Variants in GALNT13 observed in about 807,000 individuals in gnomAD.
GALNT13 encodes the protein UDP-GalNAc:polypeptide N-acetylgalactosaminyltransferase 13.
In GALNT13, 28 loss-of-function variants were observed where a neutral mutation model predicts 64.2. The ratio of observed to expected loss-of-function variants is 0.44; its 90% CI spans 0.32 to 0.60. The LOEUF (loss-of-function observed/expected upper bound fraction) is 0.60. GALNT13 is among the 20% of genes least tolerant of loss of function. GALNT13 has a pLI of 0.05. For synonymous variants in GALNT13, 214 were observed against 224.6 expected, an observed-to-expected ratio of 0.95 and a Z score of 0.42; for missense variants, 577 against 669.8, an observed-to-expected ratio of 0.86 and a Z score of 1.53.
intron 3 of GALNT13, among the ~76,000 whole-genome samples, chr2:153,954,567 A>G (rs529765648): frequency 1.8e-4 from 27 of 151,194 alleles, no homozygotes; most frequent in African/African-American, 6.5e-4. Context: ...TATAATCAAG[A>G]TCACAATTTA....
the GALNT13 span, among the ~76,000 whole-genome samples, chr2:153,410,051 AC>A: frequency 6.6e-6 from 1 of 152,212 alleles, no homozygotes; most frequent in African/African-American, 2.4e-5. Flanking sequence ...ATACTAGGAA[AC>A]AAAGTAGGGC....
chr2:153,650,806 T>C, the GALNT13 span, among the ~76,000 whole-genome samples: 34 of 152,276 alleles, frequency 2.2e-4, no homozygotes, highest in African/African-American at 8.2e-4. Flanking sequence ...TTTTTTTAAC[T>C]AAAGACTGTT....
intron 3 of GALNT13, among the ~76,000 whole-genome samples, chr2:154,066,154 G>C (rs1043778963): frequency 1.3e-5 from 2 of 152,222 alleles, no homozygotes; most frequent in Non-Finnish European, 1.5e-5. Context: ...TTGAAGGCAG[G>C]CTATTTGAAA....
the GALNT13 span, among the ~76,000 whole-genome samples, chr2:153,841,843 A>G: frequency 1.3e-5 from 2 of 152,166 alleles, no homozygotes; most frequent in Non-Finnish European, 2.9e-5. Context: ...TTGGGATCCA[A>G]AATTACAAGC....
chr2:154,212,056 A>G (rs2105802662), intron 4 of GALNT13, among the ~76,000 whole-genome samples: 1 of 152,280 alleles, frequency 6.6e-6, no homozygotes, highest in East Asian at 1.9e-4. Context: ...CTTTGGTGAT[A>G]CACTCTCCAA....
intron 9 of GALNT13, among the ~76,000 whole-genome samples, chr2:154,315,977 AC>A (rs1694297539): frequency 6.6e-6 from 1 of 152,168 alleles, no homozygotes; most frequent in Non-Finnish European, 1.5e-5. Flanking sequence ...AATCCCAGCT[AC>A]TCAGAAGGCT....
rs372541314 is a variant in GALNT13, at chr2:153,884,766, A to AATATATATATATATATATAT, written c.-177+12464_-177+12483dup. 1.3e-3 allele frequency among the ~76,000 whole-genome samples: 154 copies of AATATATATATATATATATAT among 116,312 alleles called. 2 individuals are homozygous for AATATATATATATATATATAT. The highest frequency in any genetic ancestry group is 4.9e-3 in the African/African-American group (134 of 27,598). 76.3% of individuals were successfully genotyped at this position (116,312 alleles called of 152,430 possible). On this transcript the variant is annotated intron_variant, in intron 1 of 12. Coordinates refer to ENST00000392825, the MANE Select transcript of GALNT13 (RefSeq NM_052917.4). ...AAACCCAGTCTGTACTAAAAATACG[A>AATATATATATATATATATAT]ATATATATATATATATATATGTGTG...
the GALNT13 span, among the ~76,000 whole-genome samples, chr2:153,768,083 G>T: frequency 6.6e-6 from 1 of 152,052 alleles, no homozygotes; most frequent in Non-Finnish European, 1.5e-5. Flanking sequence ...ATAGTTTCAG[G>T]TCTTACTTTT....
At chr2:153,095,007 G>A in the GALNT13 span, among the ~76,000 whole-genome samples, 2 of 152,140 alleles carry the variant, frequency 1.3e-5, no homozygotes, top group East Asian at 3.9e-4. Context: ...AACACCAAAA[G>A]CAATGGCAAC....
At chr2:153,353,266 T>C in the GALNT13 span, among the ~76,000 whole-genome samples, 2 of 152,244 alleles carry the variant, frequency 1.3e-5, no homozygotes, top group Non-Finnish European at 2.9e-5. Context: ...ATTACTGGCA[T>C]ATAGGAAAGT....
chr2:153,881,704 A>G (rs1336753065), intron 1 of GALNT13, among the ~76,000 whole-genome samples: 1 of 152,170 alleles, frequency 6.6e-6, no homozygotes, highest in Non-Finnish European at 1.5e-5. Context: ...AATATTTGCA[A>G]ATATCTCAAA....
chr2:153,394,777 G>A, the GALNT13 span, among the ~76,000 whole-genome samples: 1 of 152,054 alleles, frequency 6.6e-6, no homozygotes, highest in Non-Finnish European at 1.5e-5. Context: ...CTGTTGCTGT[G>A]TAAATACTAC....
chr2:154,110,380 G>GAGAC (rs1702912430), intron 3 of GALNT13, among the ~76,000 whole-genome samples: 1 of 129,608 alleles, frequency 7.7e-6, no homozygotes, highest in Non-Finnish European at 1.6e-5. Context: ...GAGAGAGACA[G>GAGAC]AGAGAGAGAG....
chr2:153,287,065 G>A, the GALNT13 span, among the ~76,000 whole-genome samples: 1 of 152,168 alleles, frequency 6.6e-6, no homozygotes, highest in Non-Finnish European at 1.5e-5. Context: ...ATGAGCCAAT[G>A]GTAGTTCGCA....
chr2:154,089,677 G>C (rs1428815715), intron 3 of GALNT13, among the ~76,000 whole-genome samples: 1 of 152,042 alleles, frequency 6.6e-6, no homozygotes, highest in African/African-American at 2.4e-5. Context: ...CTCATGCTCA[G>C]CTGTGGGTGA....
the GALNT13 span, among the ~76,000 whole-genome samples, chr2:153,416,922 A>C: frequency 6.6e-6 from 1 of 152,188 alleles, no homozygotes; most frequent in Admixed American, 6.5e-5. Context: ...ACAGGACCTT[A>C]GAAAGGGACC....
Position 154,153,890 on chromosome 2 carries a change from A to C in GALNT13, c.311+13385A>C, listed in dbSNP as rs147315232. On this transcript the variant is annotated intron_variant, in intron 4 of 12. Coordinates refer to ENST00000392825, the MANE Select transcript of GALNT13 (RefSeq NM_052917.4). ...CCTGACCCCTTGCGCTTCCCGAGTG[A>C]GGCAATGCCTTGCCCTGCTTCGGCT... Among the ~76,000 whole-genome samples the C allele has an allele frequency of 5.9e-3, 899 of 152,348 alleles. 7 individuals carry two copies. The highest frequency in any genetic ancestry group is 0.02 in the African/African-American group (837 of 41,592).
the GALNT13 span, among the ~76,000 whole-genome samples, chr2:153,520,864 T>C: frequency 6.6e-6 from 1 of 152,146 alleles, no homozygotes; most frequent in Non-Finnish European, 1.5e-5. Flanking sequence ...GAAGAGACCA[T>C]GAGATATGTA....
At chr2:153,147,771 T>C in the GALNT13 span, among the ~76,000 whole-genome samples, 17 of 151,904 alleles carry the variant, frequency 1.1e-4, no homozygotes, top group African/African-American at 4.1e-4. Flanking sequence ...CCTTGAGTCA[T>C]CTTATAATGG....
Sources: gnomAD v4.1 joint callset for allele counts (sites outside exome capture counted in the v4.1 genomes callset) on GRCh38, gnomAD v4.1.1 for gene constraint, MANE v1.5 for transcripts, NCBI Gene and HGNC (gene_info 2026-07-23, HGNC 2026-07-21) for gene names.